VEPH1: variants seen among roughly 807,000 people sequenced by gnomAD.
The protein encoded by VEPH1 is ventricular zone-expressed PH domain-containing protein homolog 1.
Under a neutral mutation model 85.2 loss-of-function variants are expected in VEPH1, and 80 were observed. The observed-to-expected ratio is 0.94, with a 90% CI of 0.78 to 1.13. The LOEUF is 1.13. Among genes scored for constraint, VEPH1 ranks in the 50% most tolerant of loss-of-function variants. The pLI, the probability that VEPH1 is intolerant of heterozygous loss-of-function variation, is 0.00. For missense variants in VEPH1, 955 were observed against 980.5 expected, an observed-to-expected ratio of 0.97 and a Z score of 0.35; for synonymous variants, 297 against 348.0, an observed-to-expected ratio of 0.85 and a Z score of 1.63.
At position 157,260,840 on chromosome 3, in the gene VEPH1, CA is replaced by C. The variant is rs1712783223; in HGVS notation, c.*293del. The C allele has an allele frequency of 3.4e-6, 1 of 296,662 alleles. No homozygotes were observed. The highest frequency in any genetic ancestry group is 2.2e-5 in the African/African-American group (1 of 45,380). The allele number at this position is 296,662 out of a possible 1,614,324, so 18.4% of individuals were successfully genotyped here. On this transcript the variant is annotated 3_prime_UTR_variant, in exon 14 of 14. Transcript: ENST00000362010. ...GACATATCTACAGAAGTTCTTTTAT[CA>C]GTGACTTTTCCCTTCCTGGCCCCAC...
intron 7 of VEPH1, among the ~76,000 whole-genome samples, chr3:157,369,192 A>ACAAAAAAAAAAAAAAAAAC (rs1553773116): frequency 7.0e-6 from 1 of 142,782 alleles, no homozygotes; most frequent in East Asian, 2.1e-4. Flanking sequence ...AAAAAAAAAA[A>ACAAAAAAAAAAAAAAAAAC]AAAAAAAAAA....
At chr3:157,476,384 G>A (rs2109530743) in intron 2 of VEPH1, among the ~76,000 whole-genome samples, 1 of 152,292 alleles carries the variant, frequency 6.6e-6, no homozygotes, top group Non-Finnish European at 1.5e-5. Context: ...CTATTTGAGG[G>A]ATCACAGAGC....
rs766768013 is a variant in VEPH1, at chr3:157,272,380, TTTCTTTCTTTC to T, written c.2129-6729_2129-6719del. On this transcript the variant is annotated intron_variant, in intron 12 of 13. Coordinates refer to ENST00000362010, the MANE Select transcript of VEPH1 (RefSeq NM_001167912.2). ...TCTTTCTTTCTTTCTCTTTCTTTTC[TTTCTTTCTTTC>T]TTTCTTTCTTTCTTTCTTTCTTTCT... is the stretch of plus-strand genomic sequence containing the variant. Among the ~76,000 whole-genome samples, 396 of 99,238 alleles carry T rather than the reference TTTCTTTCTTTC, an allele frequency of 4.0e-3. 6 individuals are homozygous for T. Among genetic ancestry groups the T allele is most frequent in the African/African-American group, 8.1e-3 (195 of 24,140 alleles). 65.1% of individuals were successfully genotyped at this position (99,238 alleles called of 152,430 possible).
intron 6 of VEPH1, chr3:157,409,851 G>A: frequency 1.0e-6 from 1 of 985,396 alleles, no homozygotes; most frequent in South Asian, 4.7e-5. Flanking sequence ...ATTCTGGACT[G>A]AAGATTGCAA....
At chr3:157,400,922 G>C (rs1730745313) in intron 6 of VEPH1, among the ~76,000 whole-genome samples, 1 of 152,114 alleles carries the variant, frequency 6.6e-6, no homozygotes, top group African/African-American at 2.4e-5. Flanking sequence ...AAGGGACCCA[G>C]AATGAATTAT....
intron 4 of VEPH1, among the ~76,000 whole-genome samples, chr3:157,441,824 AT>A (rs1241500923): frequency 6.6e-5 from 10 of 151,698 alleles, no homozygotes. Flanking sequence ...AAAAAAAAAA[AT>A]GTATTCTGCA....
chr3:157,396,722 TG>T (rs1420548635), intron 6 of VEPH1, among the ~76,000 whole-genome samples: 1 of 152,258 alleles, frequency 6.6e-6, no homozygotes, highest in African/African-American at 2.4e-5. Context: ...GTATGTTTGT[TG>T]ATCACATGTA....
chr3:157,424,714 G>T (rs916979328), intron 5 of VEPH1, among the ~76,000 whole-genome samples: 64 of 152,270 alleles, frequency 4.2e-4, no homozygotes, highest in African/African-American at 1.4e-3. Flanking sequence ...ACTTGAGAGA[G>T]ATTATTAAGG....
chr3:157,439,697 T>C (rs1191743953), intron 4 of VEPH1, among the ~76,000 whole-genome samples: 1 of 152,198 alleles, frequency 6.6e-6, no homozygotes, highest in African/African-American at 2.4e-5. Flanking sequence ...CCTGGGCTTA[T>C]TTAAAGAGGA....
At chr3:157,434,139 A>G (rs1733374095) in intron 4 of VEPH1, among the ~76,000 whole-genome samples, 1 of 151,832 alleles carries the variant, frequency 6.6e-6, no homozygotes, top group Admixed American at 6.6e-5. Flanking sequence ...GCCTAAGTCT[A>G]TTTTTTACTG....
Position 157,381,187 on chromosome 3 carries a change from G to A in VEPH1, c.1096C>T (p.Gln366Ter). The A allele has an allele frequency of 6.2e-7, 1 of 1,613,896 alleles. No homozygotes were observed. The highest frequency in any genetic ancestry group is 8.5e-7 in the Non-Finnish European group (1 of 1,179,996). ...CTTCCAGCCTTGGTATTTTCCAGTT[G>A]TCGGGTAAGGAGTTTAGCAATGGCG... ...FTAIAKLLTR[Q>*]LENTKAGSGR... Residue 366 changes from glutamine (Q) to a stop codon, truncating the protein, a stop_gained, in exon 7 of 14, where the codon CAA (glutamine) becomes TAA (stop). Coordinates refer to ENST00000362010, the MANE Select transcript of VEPH1 (RefSeq NM_001167912.2). LOFTEE classifies it high-confidence loss of function.
At chr3:157,281,101 T>TGTGTGAGA (rs371002819) in intron 12 of VEPH1, among the ~76,000 whole-genome samples, 88 of 148,720 alleles carry the variant, frequency 5.9e-4, no homozygotes, top group Middle Eastern at 6.9e-3. Context: ...TGTGTGTGTG[T>TGTGTGAGA]GAGAGAGAGA....
At chr3:157,278,994 G>C (rs1715739346) in intron 12 of VEPH1, among the ~76,000 whole-genome samples, 6 of 152,118 alleles carry the variant, frequency 3.9e-5, no homozygotes, top group Admixed American at 3.9e-4. Context: ...AGCAGTCTGG[G>C]CAACATAGCA....
At chr3:157,485,741 A>G (rs1373093976) in intron 2 of VEPH1, among the ~76,000 whole-genome samples, 1 of 152,100 alleles carries the variant, frequency 6.6e-6, no homozygotes, top group Non-Finnish European at 1.5e-5. Flanking sequence ...TATTTAAAAA[A>G]TCTACTTATA....
At chr3:157,430,759 T>C (rs1257447830) in intron 4 of VEPH1, among the ~76,000 whole-genome samples, 1 of 152,232 alleles carries the variant, frequency 6.6e-6, no homozygotes, top group Admixed American at 6.5e-5. Flanking sequence ...AGGAGTTGAC[T>C]TTGTAGATGT....
At chr3:157,498,722 C>T (rs1390462911) in intron 1 of VEPH1, among the ~76,000 whole-genome samples, 1 of 152,208 alleles carries the variant, frequency 6.6e-6, no homozygotes, top group Admixed American at 6.5e-5. Context: ...TTTTCAGCAG[C>T]TCTCATTAAT....
intron 3 of VEPH1, among the ~76,000 whole-genome samples, chr3:157,468,232 T>A (rs1002706304): frequency 1.3e-5 from 2 of 152,190 alleles, no homozygotes; most frequent in Non-Finnish European, 2.9e-5. Flanking sequence ...TCTAAAACTG[T>A]GTTAACACAG....
At chr3:157,447,193 T>C (rs1734620574) in intron 4 of VEPH1, among the ~76,000 whole-genome samples, 1 of 152,192 alleles carries the variant, frequency 6.6e-6, no homozygotes. Context: ...AATGTCCAAA[T>C]CTATGCAGGC....
intron 9 of VEPH1, among the ~76,000 whole-genome samples, chr3:157,327,736 T>G (rs1490612742): frequency 6.6e-6 from 1 of 152,108 alleles, no homozygotes; most frequent in Non-Finnish European, 1.5e-5. Flanking sequence ...GACTTGCAAA[T>G]TTCTTATATG....
Sources: allele counts gnomAD v4.1 joint callset (sites outside exome capture counted in the v4.1 genomes callset), GRCh38; gene constraint gnomAD v4.1.1; transcripts MANE v1.5; gene names NCBI Gene and HGNC (gene_info 2026-07-23, HGNC 2026-07-21).